ACACB: variants seen among roughly 807,000 people sequenced by gnomAD.
ACACB encodes acetyl-CoA carboxylase 2.
ACACB carries 209 observed loss-of-function variants against 278.8 expected under a neutral mutation model. The ratio of observed to expected loss-of-function variants is 0.75; its 90% CI spans 0.67 to 0.84. The LOEUF (loss-of-function observed/expected upper bound fraction) is 0.84. ACACB is among the 40% of genes least tolerant of loss of function. The pLI, the probability that ACACB is intolerant of heterozygous loss-of-function variation, is 0.00. For missense variants in ACACB, 2,850 were observed against 3,269.0 expected (o/e 0.87, Z 3.13); for synonymous variants, 1,174 against 1,285.6 (o/e 0.91, Z 1.86).
intron 20 of ACACB, 111 bp downstream of exon 20, chr12:109,206,967 CTGT>C (rs2045537689): frequency 7.1e-6 from 9 of 1,269,606 alleles, no homozygotes; most frequent in Non-Finnish European, 9.9e-6. Context: ...GGTCGGTCCT[CTGT>C]TGTTTTTATT....
chr12:109,254,175 C>T (rs534624687), intron 43 of ACACB, 39 bp from the exon 44 acceptor site: 10 of 1,611,208 alleles, frequency 6.2e-6, no homozygotes, highest in South Asian at 1.1e-5. Flanking sequence ...TATTGACAAG[C>T]ACCACAGACT....
rs148335485 is a variant in ACACB, at chr12:109,168,942, T to G, written c.925+908T>G. Among the ~76,000 whole-genome samples the G allele has an allele frequency of 2.0e-3, 304 of 152,074 alleles. 1 individual carries two copies. The highest frequency in any genetic ancestry group is 0.01 in the Middle Eastern group (3 of 294). On this transcript the variant is annotated intron_variant, in intron 4 of 52. Coordinates refer to ENST00000338432, the MANE Select transcript of ACACB (RefSeq NM_001093.4). The stretch of plus-strand genomic sequence containing the variant: ...TCACTTGAGGCCAGGAGTTTTGAGA[T>G]CAGCCTGCCCAATGTGGTGGAACCC...
Position 109,258,322 on chromosome 12 carries a change from G to A in ACACB, c.6318G>A (p.Val2106=). The change falls in exon 46 of 53, where the codon GTG becomes GTA. Residue 2106 remains valine, a synonymous_variant. Coordinates refer to ENST00000338432, the MANE Select transcript of ACACB (RefSeq NM_001093.4). ...CTGTGGAGACACGGACTGTGGAGGT[G>A]GCAGTCCCTGCAGACCCTGCCAACC... is the stretch of plus-strand genomic sequence containing the variant. ...VIAVETRTVE[V]AVPADPANLD... 6.2e-7 allele frequency: 1 copy of A among 1,612,532 alleles called. No individual in the cohort carries two copies. The highest frequency in any genetic ancestry group is 8.5e-7 in the Non-Finnish European group (1 of 1,179,910).
rs1425571497 is a variant in ACACB, at chr12:109,252,941, C to T, written c.5902-74C>T. 2.9e-6 allele frequency: 4 copies of T among 1,385,142 alleles called. No homozygotes were observed. In the Admixed American group the frequency reaches 9.6e-5, roughly 33 times the overall value. The allele number at this position is 1,385,142 out of a possible 1,614,324, so 85.8% of individuals were successfully genotyped here. ...AATGTGTAGCCAGGATTGAGAAGCA[C>T]TGAGATGATTTCCAAACAGGTGGTA... On this transcript the variant is annotated intron_variant, in intron 42 of 52. Coordinates refer to ENST00000338432, the MANE Select transcript of ACACB (RefSeq NM_001093.4).
chr12:109,212,651 G>A (rs192120783), intron 21 of ACACB, among the ~76,000 whole-genome samples, 185 bp from the exon 22 acceptor site: 1 of 152,282 alleles, frequency 6.6e-6, no homozygotes, highest in East Asian at 1.9e-4. Context: ...GCAATGGGGA[G>A]GGGCTGTAAA....
At chr12:109,222,294 C>CGAGTGAGTGAGTGGGTGAGT (rs2046191084) in intron 24 of ACACB, among the ~76,000 whole-genome samples, 1 of 150,862 alleles carries the variant, frequency 6.6e-6, no homozygotes, top group African/African-American at 2.4e-5. Context: ...AATGGGTGGC[C>CGAGTGAGTGAGTGGGTGAGT]GAGTGAGTGA....
chr12:109,148,048 G>A (rs1440364202), intron 2 of ACACB, among the ~76,000 whole-genome samples: 1 of 152,134 alleles, frequency 6.6e-6, no homozygotes, highest in African/African-American at 2.4e-5. Flanking sequence ...TCTCCCAGCT[G>A]GCAAGGGCTG....
chr12:109,252,943 G>A, intron 42 of ACACB, 72 bp from the exon 43 acceptor site: 1 of 1,389,354 alleles, frequency 7.2e-7, no homozygotes, highest in Non-Finnish European at 9.5e-7. Flanking sequence ...GAGAAGCACT[G>A]AGATGATTTC....
At position 109,258,300 on chromosome 12, in the gene ACACB, T is replaced by C. The variant is rs1401190747; in HGVS notation, c.6296T>C (p.Val2099Ala). 2.5e-6 allele frequency: 4 copies of C among 1,612,618 alleles called. No homozygotes were observed. The highest frequency in any genetic ancestry group is 1.3e-5 in the African/African-American group (1 of 74,872). ...GGGATTCCCGTGGGAGTGATTGCTG[T>C]GGAGACACGGACTGTGGAGGTGGCA... Reference protein sequence around the residue: ...LGGIPVGVIAVETRTVEVAVP... With the variant: ...LGGIPVGVIAAETRTVEVAVP... Residue 2099 changes from valine (V) to alanine (A), a missense_variant, in exon 46 of 53, where the codon GTG becomes GCG. Around this residue, in one of 3 missense-constraint regions of ACACB, gnomAD observed 579 missense variants for 684.6 expected, o/e 0.85. Transcript: ENST00000338432.
At chr12:109,125,231 G>A (rs1019476428) in intron 1 of ACACB, 3 of 152,136 alleles carry the variant, frequency 2.0e-5, no homozygotes, top group African/African-American at 7.2e-5. Flanking sequence ...GGTTTTTAAA[G>A]ATATTTTGAT....
chr12:109,175,793 C>A, intron 7 of ACACB, 138 bp from the exon 8 acceptor site: 1 of 667,886 alleles, frequency 1.5e-6, no homozygotes, highest in Non-Finnish European at 2.6e-6. Flanking sequence ...TTGTGAGAAG[C>A]TGAAGGGAGT....
chr12:109,176,027 A>G lies in ACACB; in HGVS notation c.1313A>G (p.Asp438Gly). 1 of 1,614,194 alleles carries G rather than the reference A, an allele frequency of 6.2e-7. No homozygotes were observed. Among genetic ancestry groups the G allele is most frequent in the East Asian group, 2.2e-5 (1 of 44,880 alleles). The stretch of plus-strand genomic sequence containing the variant: ...GACAAGGGTTGCGTGAAAGACGTAG[A>G]TGAGGGCTTGGAGGTAAATGCAGAG... ...VYDKGCVKDV[D>G]EGLEAAERIG... The change falls in exon 8 of 53, where the codon GAT (aspartate) becomes GGT (glycine). Residue 438 changes from aspartate (D) to glycine (G), a missense_variant. Asp to Gly is a moderately conservative substitution (Grantham distance 94). This residue lies in a region of ACACB where 2,265 missense variants were observed against 2,561.3 expected (regional missense o/e 0.88). Transcript: ENST00000338432.
intron 12 of ACACB, among the ~76,000 whole-genome samples, chr12:109,186,502 G>A (rs1441251583): frequency 2.0e-5 from 3 of 152,158 alleles, no homozygotes; most frequent in African/African-American, 7.2e-5. Context: ...ACAGTATGAA[G>A]TCTGGCTCAT....
In ACACB at chr12:109,232,869, T is replaced by TC. The variant is rs991036915; in HGVS notation, c.4139+71dup. The TC allele has an allele frequency of 1.2e-4, 195 of 1,571,524 alleles. 1 individual carries two copies. The highest frequency in any genetic ancestry group is 5.9e-4 in the South Asian group (51 of 86,338). On this transcript the variant is annotated intron_variant, in intron 29 of 52. Transcript: ENST00000338432. ...GGGGGCTGGGCAGACTTCCCTTGAA[T>TC]CCCCCCCCAATTCACTGGACAGATG...
intron 24 of ACACB, among the ~76,000 whole-genome samples, chr12:109,219,152 G>A (rs576571006): frequency 6.6e-6 from 1 of 152,264 alleles, no homozygotes; most frequent in Non-Finnish European, 1.5e-5. Flanking sequence ...ACTCAGCTCT[G>A]TGAGCTCTGC....
At chr12:109,253,235 C>T in intron 43 of ACACB, 77 bp downstream of exon 43, 1 of 1,406,654 alleles carries the variant, frequency 7.1e-7, no homozygotes, top group Non-Finnish European at 9.5e-7. Flanking sequence ...CCTGTCACCT[C>T]CTGGGTGGTG....
chr12:109,169,427 G>T (rs1344550948), intron 4 of ACACB, among the ~76,000 whole-genome samples: 1 of 152,162 alleles, frequency 6.6e-6, no homozygotes, highest in Non-Finnish European at 1.5e-5. Flanking sequence ...GGGAACCCTG[G>T]TCTGGGTTCA....
chr12:109,258,031 A>C lies in ACACB; in HGVS notation c.6264-237A>C, dbSNP rs577344589. On this transcript the variant is annotated intron_variant, in intron 45 of 52. Transcript: ENST00000338432. ...AAGTTCTAGTGGTTCATGCTGCTCCAGGCCCTATACCATCCCAGCCCTCCT... is the reference window on the plus strand; with the variant it reads ...AAGTTCTAGTGGTTCATGCTGCTCCCGGCCCTATACCATCCCAGCCCTCCT... Among the ~76,000 whole-genome samples the C allele has an allele frequency of 2.1e-3, 316 of 152,314 alleles. 3 individuals carry two copies. The highest frequency in any genetic ancestry group is 7.2e-3 in the African/African-American group (300 of 41,558).
chr12:109,167,670 A>G (rs1357890264), intron 3 of ACACB, among the ~76,000 whole-genome samples: 1 of 117,610 alleles, frequency 8.5e-6, no homozygotes, highest in Non-Finnish European at 1.8e-5. Flanking sequence ...ACAAACAGCC[A>G]TCCATCCATC....
Sources: gnomAD v4.1 joint callset for allele counts (sites outside exome capture counted in the v4.1 genomes callset) on GRCh38, gnomAD v4.1.1 for gene constraint, gnomAD v4.1.1 regional missense constraint, MANE v1.5 for transcripts, NCBI Gene and HGNC (gene_info 2026-07-23, HGNC 2026-07-21) for gene names.